Variants in CDC25A observed in about 807,000 individuals in gnomAD.
CDC25A encodes M-phase inducer phosphatase 1.
Under a neutral mutation model 64.6 loss-of-function variants are expected in CDC25A, and 17 were observed. The observed-to-expected ratio is 0.26, with a 90% CI of 0.18 to 0.39. The LOEUF is 0.39. Ranked by LOEUF, CDC25A falls within the 10% of genes least tolerant of loss-of-function variation. CDC25A has a pLI of 1.00. For missense variants in CDC25A, 473 were observed against 654.8 expected (o/e 0.72, Z 3.03); for synonymous variants, 229 against 238.6 (o/e 0.96, Z 0.37).
At chr3:48,181,736 G>T in intron 5 of CDC25A, 11 of 649,524 alleles carry the variant, frequency 1.7e-5, no homozygotes, top group Admixed American at 2.1e-5. Flanking sequence ...AAGACTGGCT[G>T]AATTATAGAA....
At chr3:48,166,449 TTAAA>T (rs1335666025) in intron 10 of CDC25A, among the ~76,000 whole-genome samples, 2 of 152,228 alleles carry the variant, frequency 1.3e-5, no homozygotes, top group African/African-American at 4.8e-5. Flanking sequence ...TAAGGCAGAT[TTAAA>T]TAAAGAAACC....
chr3:48,170,200 GT>G lies in CDC25A; in HGVS notation c.931-2257del, dbSNP rs1265986086. Among the ~76,000 whole-genome samples, 4 of 152,086 alleles carry G rather than the reference GT, an allele frequency of 2.6e-5. No individual in the cohort carries two copies. The East Asian group carries it at 7.7e-4, about 29-fold the overall frequency. ...CAGCAAGCAAGCAAGCAAGCAAGCA[GT>G]TCTGCAGTGGAAAATAGCTGGGTGC... On this transcript the variant is annotated intron_variant, in intron 9 of 14. Coordinates refer to ENST00000302506, the MANE Select transcript of CDC25A (RefSeq NM_001789.3).
intron 4 of CDC25A, among the ~76,000 whole-genome samples, chr3:48,183,589 G>A (rs2032744764): frequency 6.6e-6 from 1 of 152,158 alleles, no homozygotes. Flanking sequence ...GTTGAGGTGG[G>A]AGGATCACTT....
chr3:48,164,185 G>GTT, intron 13 of CDC25A, 122 bp downstream of exon 13: 3 of 871,092 alleles, frequency 3.4e-6, no homozygotes, highest in Non-Finnish European at 5.1e-6. Context: ...AAAATGGCTT[G>GTT]TTATGTGCCA....
intron 9 of CDC25A, among the ~76,000 whole-genome samples, chr3:48,168,928 A>G (rs1170245248): frequency 6.6e-6 from 1 of 152,208 alleles, no homozygotes; most frequent in African/African-American, 2.4e-5. Context: ...CTGGGATTAC[A>G]GGTGTGAGCC....
Position 48,165,740 on chromosome 3 carries a change from G to T in CDC25A, c.1093-6C>A. The T allele has an allele frequency of 6.2e-7, 1 of 1,606,266 alleles. No homozygotes were observed. Reference sequence around the variant, plus strand: ...CCATTCAAAACAGATGCCATCTGTTGAGAGAAAATTAGGGAGAATCAACTT... The same window carrying T: ...CCATTCAAAACAGATGCCATCTGTTTAGAGAAAATTAGGGAGAATCAACTT... On this transcript the variant is annotated splice_polypyrimidine_tract_variant and splice_region_variant and intron_variant, in intron 11 of 14. Transcript: ENST00000302506.
At chr3:48,180,446 T>C (rs1270242428) in intron 6 of CDC25A, 7 of 302,618 alleles carry the variant, frequency 2.3e-5, no homozygotes, top group Non-Finnish European at 1.8e-5. Flanking sequence ...CCACCATACA[T>C]ACATTTAGGA....
At chr3:48,177,763 T>C in intron 7 of CDC25A, 91 bp downstream of exon 7, 1 of 1,439,792 alleles carries the variant, frequency 6.9e-7, no homozygotes, top group Non-Finnish European at 9.8e-7. Flanking sequence ...CCCGGGGAAC[T>C]GCTGTTGCTG....
chr3:48,165,821 A>G lies in CDC25A; in HGVS notation c.1092+10T>C. The G allele has an allele frequency of 6.2e-7, 1 of 1,606,304 alleles. No individual in the cohort carries two copies. Among genetic ancestry groups the G allele is most frequent in the South Asian group, 1.1e-5 (1 of 90,902 alleles). ...CCGATGTGTGGTGGGTTTCAAAAGG[A>G]TGGACTTACAATTTCTGGAGAGATG... On this transcript the variant is annotated intron_variant, in intron 11 of 14. Coordinates refer to ENST00000302506, the MANE Select transcript of CDC25A (RefSeq NM_001789.3).
chr3:48,188,001 G>A lies in CDC25A; in HGVS notation c.-54C>T. 7.6e-7 allele frequency: 1 copy of A among 1,319,440 alleles called. No individual in the cohort carries two copies. Among genetic ancestry groups the A allele is most frequent in the Non-Finnish European group, 9.7e-7 (1 of 1,033,998 alleles). 81.7% of individuals were successfully genotyped at this position (1,319,440 alleles called of 1,614,324 possible). ...CTCCCTCTTCCTCTGCCTCCGCCGC[G>A]ACCGCCCCGCCCCGCCGACACCGGC... On this transcript the variant is annotated 5_prime_UTR_variant, in exon 1 of 15. Transcript: ENST00000302506.
At position 48,187,824 on chromosome 3, in the gene CDC25A, C is replaced by T. The variant is rs2032902402; in HGVS notation, c.124G>A (p.Val42Ile). The T allele has an allele frequency of 1.9e-6, 3 of 1,548,690 alleles. No individual in the cohort carries two copies. The highest frequency in any genetic ancestry group is 1.4e-5 in the African/African-American group (1 of 72,468). ...GASAAGGLSP[V>I]TNLTVTMDQL... is the part of the protein sequence containing the mutation. ...TCCATAGTGACGGTCAGGTTGGTGA[C>T]AGGCGACAGTCCCCCGGCGGCTGAA... The change falls in exon 1 of 15, where the codon GTC becomes ATC. Residue 42 changes from valine (V) to isoleucine (I), a missense_variant. Around this residue, in one of 2 missense-constraint regions of CDC25A, gnomAD observed 376 missense variants for 431.9 expected, o/e 0.87. Coordinates refer to ENST00000302506, the MANE Select transcript of CDC25A (RefSeq NM_001789.3).
intron 14 of CDC25A, 79 bp downstream of exon 14, chr3:48,159,265 G>A (rs1216825995): frequency 3.1e-5 from 41 of 1,313,748 alleles, no homozygotes; most frequent in Admixed American, 1.5e-4. Context: ...TGGAAAGAAA[G>A]TCATGACCAC....
At chr3:48,164,211 G>T in intron 13 of CDC25A, 96 bp downstream of exon 13, 2 of 1,214,264 alleles carry the variant, frequency 1.6e-6, no homozygotes, top group Non-Finnish European at 2.2e-6. Flanking sequence ...TGCTTGATAT[G>T]CTAAAATATG....
chr3:48,172,448 T>A (rs1575265728), intron 9 of CDC25A, among the ~76,000 whole-genome samples: 1 of 152,112 alleles, frequency 6.6e-6, no homozygotes, highest in East Asian at 1.9e-4. Context: ...AACCTCAATA[T>A]AAGGACAGTA....
intron 5 of CDC25A, chr3:48,181,548 T>C (rs2032669414): frequency 2.6e-6 from 4 of 1,549,976 alleles, no homozygotes; most frequent in Non-Finnish European, 3.6e-6. Flanking sequence ...GCTGCAGCTA[T>C]CATGGTGAAC....
chr3:48,186,441 T>C (rs1019846680), intron 2 of CDC25A, among the ~76,000 whole-genome samples: 3 of 151,970 alleles, frequency 2.0e-5, no homozygotes, highest in Non-Finnish European at 4.4e-5. Context: ...TGGTGGTGCA[T>C]GCCTGTAATC....
rs374368238 is a variant in CDC25A, at chr3:48,160,836, G to A, written c.1323-1381C>T. Reference sequence around the variant, plus strand: ...TGGGCAGCAGCTTCCTCTGCAGCACGTAGCTTAAACCATTTGCCTGTGGTT... The same window carrying A: ...TGGGCAGCAGCTTCCTCTGCAGCACATAGCTTAAACCATTTGCCTGTGGTT... On this transcript the variant is annotated intron_variant, in intron 13 of 14. Transcript: ENST00000302506. Among the ~76,000 whole-genome samples the A allele has an allele frequency of 1.1e-4, 16 of 152,184 alleles. No individual in the cohort carries two copies. The East Asian group carries it at 1.7e-3, about 17-fold the overall frequency.
At chr3:48,184,594 T>C (rs1475720466) in intron 3 of CDC25A, 59 bp downstream of exon 3, 9 of 1,140,462 alleles carry the variant, frequency 7.9e-6, no homozygotes, top group Non-Finnish European at 1.2e-5. Flanking sequence ...TTAAATAAGG[T>C]ATTTAAGTTT....
At position 48,187,913 on chromosome 3, in the gene CDC25A, C is replaced by A. The variant is rs1178871220; in HGVS notation, c.35G>T (p.Arg12Leu). The A allele has an allele frequency of 6.5e-7, 1 of 1,535,734 alleles. No homozygotes were observed. Among genetic ancestry groups the A allele is most frequent in the Non-Finnish European group, 8.8e-7 (1 of 1,142,342 alleles). ...AGGGGGGCTGCAGGCGAAGAGCAGG[C>A]GGCGGCGGTGCGGGGGCTCCGGGCC... is the stretch of plus-strand genomic sequence containing the variant. The part of the protein sequence containing the change: ...ELGPEPPHRR[R>L]LLFACSPPPA... Residue 12 changes from arginine to leucine, a missense_variant, in exon 1 of 15, where the codon CGC (arginine) becomes CTC (leucine). Transcript: ENST00000302506.
Sources: gnomAD v4.1 joint callset for allele counts (sites outside exome capture counted in the v4.1 genomes callset) on GRCh38, gnomAD v4.1.1 for gene constraint, gnomAD v4.1.1 regional missense constraint, MANE v1.5 for transcripts, NCBI Gene and HGNC (gene_info 2026-07-23, HGNC 2026-07-21) for gene names.